Variants in AKR1D1 observed in about 807,000 individuals in gnomAD.
AKR1D1 encodes the protein aldo-keto reductase family 1 member D1.
Under a neutral mutation model 42.6 loss-of-function variants are expected in AKR1D1, and 32 were observed. The ratio of observed to expected loss-of-function variants is 0.75; its 90% CI spans 0.57 to 1.01. The LOEUF (loss-of-function observed/expected upper bound fraction) is 1.01, where lower values mean the gene tolerates loss of function less well. AKR1D1 is among the 50% of genes least tolerant of loss of function. The pLI, the probability that AKR1D1 is intolerant of heterozygous loss-of-function variation, is 0.00. For missense variants in AKR1D1, 364 were observed against 402.2 expected (o/e 0.91, Z 0.81); for synonymous variants, 123 against 135.5 (o/e 0.91, Z 0.64).
intron 7 of AKR1D1, among the ~76,000 whole-genome samples, chr7:138,109,274 C>A (rs1182308971): frequency 1.3e-5 from 2 of 152,130 alleles, no homozygotes; most frequent in African/African-American, 4.8e-5. Flanking sequence ...TATTGGCTTG[C>A]ATAACTGGAA....
At chr7:138,094,943 T>A (rs549839086) in intron 3 of AKR1D1, among the ~76,000 whole-genome samples, 1 of 152,316 alleles carries the variant, frequency 6.6e-6, no homozygotes, top group East Asian at 1.9e-4. Context: ...ATATTAAAAA[T>A]TATGACATGT....
rs745652944 is a variant in AKR1D1, at chr7:138,076,592, C to T, written c.74C>T (p.Thr25Ile). ...GNSIPIIGLGTYSEPKSTPKG... is the reference protein window; with the variant it reads ...GNSIPIIGLGIYSEPKSTPKG... Reference sequence around the variant, plus strand: ...AGCATTCCCATCATCGGACTTGGTACCTACTCAGAACCTAAATCGGTAAGC... The same window carrying T: ...AGCATTCCCATCATCGGACTTGGTATCTACTCAGAACCTAAATCGGTAAGC... Residue 25 changes from threonine to isoleucine, a missense_variant, in exon 1 of 9, where the codon ACC (threonine) becomes ATC (isoleucine). Coordinates refer to ENST00000242375, the MANE Select transcript of AKR1D1 (RefSeq NM_005989.4). The T allele has an allele frequency of 2.5e-6, 4 of 1,613,170 alleles. No homozygotes were observed. The East Asian group carries it at 8.9e-5, about 36-fold the overall frequency.
At chr7:138,092,639 A>T (rs1175763167) in intron 3 of AKR1D1, among the ~76,000 whole-genome samples, 4 of 152,238 alleles carry the variant, frequency 2.6e-5, no homozygotes, top group African/African-American at 9.6e-5. Context: ...TAGGCTAGAT[A>T]GCCCAGCCGA....
intron 1 of AKR1D1, among the ~76,000 whole-genome samples, chr7:138,078,148 G>A (rs192437039): frequency 6.6e-6 from 1 of 152,264 alleles, no homozygotes; most frequent in Non-Finnish European, 1.5e-5. Flanking sequence ...TTTTTGTAGA[G>A]AAGGGGTTTC....
At chr7:138,084,093 G>A (rs2117418412) in intron 1 of AKR1D1, among the ~76,000 whole-genome samples, 1 of 152,194 alleles carries the variant, frequency 6.6e-6, no homozygotes, top group South Asian at 2.1e-4. Context: ...CCAGGGACTG[G>A]AGGTGGCCAT....
At position 138,100,111 on chromosome 7, in the gene AKR1D1, A is replaced by AAC. The variant is rs1323060455; in HGVS notation, c.456+2169_456+2170insCA. On this transcript the variant is annotated intron_variant, in intron 4 of 8. Transcript: ENST00000242375. ...CTCAAAAAAAAAAAAAAAAAAAAAA[A>AAC]AAAAAAACATAAAGAGAAAATGTTA... is the stretch of plus-strand genomic sequence containing the variant. Among the ~76,000 whole-genome samples the AAC allele has an allele frequency of 3.6e-3, 458 of 127,654 alleles. 17 individuals carry two copies. Among genetic ancestry groups the AAC allele is most frequent in the African/African-American group, 0.013 (437 of 33,080 alleles). The allele number at this position is 127,654 out of a possible 152,430, so 83.7% of individuals were successfully genotyped here.
In AKR1D1 at chr7:138,117,868, A is replaced by T. The variant is rs545228082; in HGVS notation, c.*1206A>T. The T allele has an allele frequency of 6.6e-6, 1 of 152,256 alleles. No individual in the cohort carries two copies. Among genetic ancestry groups the T allele is most frequent in the East Asian group, 1.9e-4 (1 of 5,178 alleles). 9.4% of individuals were successfully genotyped at this position (152,256 alleles called of 1,614,324 possible). A position where few individuals can be genotyped will look rare whatever the true frequency, so the allele number is the denominator to read the frequency against. ...CCCCGTCTCTACTAAAAATACAAAA[A>T]ATTAGCCAGGCGCGGTGGCGGGGGC... is the stretch of plus-strand genomic sequence containing the variant. On this transcript the variant is annotated 3_prime_UTR_variant, in exon 9 of 9. Coordinates refer to ENST00000242375, the MANE Select transcript of AKR1D1 (RefSeq NM_005989.4).
intron 2 of AKR1D1, among the ~76,000 whole-genome samples, chr7:138,090,551 C>T (rs747200078): frequency 1.3e-5 from 2 of 151,068 alleles, no homozygotes; most frequent in South Asian, 4.2e-4. Context: ...GCAGCAGAAT[C>T]GCTTGAACCC....
intron 6 of AKR1D1, among the ~76,000 whole-genome samples, chr7:138,107,020 T>C (rs1562937795): frequency 6.6e-6 from 1 of 152,254 alleles, no homozygotes; most frequent in Non-Finnish European, 1.5e-5. Context: ...TTTTGATCTC[T>C]GTATTCAATA....
At chr7:138,093,071 C>CTTT (rs200473265) in intron 3 of AKR1D1, among the ~76,000 whole-genome samples, 24 of 140,916 alleles carry the variant, frequency 1.7e-4, no homozygotes, top group African/African-American at 5.5e-4. Context: ...ATACTAATTA[C>CTTT]TTTTTTTTTT....
chr7:138,113,315 CAA>C (rs34789634), intron 7 of AKR1D1, among the ~76,000 whole-genome samples: 21 of 115,698 alleles, frequency 1.8e-4, no homozygotes, highest in East Asian at 2.7e-4. Context: ...GACCCTGTCT[CAA>C]AAAAAAAAAA....
chr7:138,103,908 T>C (rs1258494562), intron 4 of AKR1D1, among the ~76,000 whole-genome samples: 1 of 152,018 alleles, frequency 6.6e-6, no homozygotes, highest in East Asian at 1.9e-4. Flanking sequence ...GGTAGGAGGA[T>C]CACTTGAGGC....
At chr7:138,079,436 A>C (rs1438788763) in intron 1 of AKR1D1, among the ~76,000 whole-genome samples, 2 of 152,122 alleles carry the variant, frequency 1.3e-5, no homozygotes, top group Admixed American at 1.3e-4. Flanking sequence ...TTATTTCTAC[A>C]AGAAAAAAGA....
intron 4 of AKR1D1, 189 bp downstream of exon 4, chr7:138,098,132 T>G: frequency 1.8e-6 from 1 of 549,928 alleles, no homozygotes; most frequent in East Asian, 2.9e-5. Flanking sequence ...TAATTCTTAC[T>G]TTTGTTTTGC....
intron 7 of AKR1D1, among the ~76,000 whole-genome samples, chr7:138,111,789 G>A (rs527925300): frequency 5.1e-4 from 77 of 152,256 alleles, no homozygotes; most frequent in African/African-American, 1.7e-3. Flanking sequence ...CAAAATGTAG[G>A]TTACAATTGC....
chr7:138,089,219 C>T (rs1055192191), intron 2 of AKR1D1, among the ~76,000 whole-genome samples: 39 of 151,902 alleles, frequency 2.6e-4, no homozygotes, highest in African/African-American at 9.4e-4. Context: ...GGCATGGTAA[C>T]TTGCACCTGT....
At position 138,116,780 on chromosome 7, in the gene AKR1D1, G is replaced by A; in HGVS notation, c.*118G>A. ...TTTTACCATCCTGAGAAGAAATAAT[G>A]ATGGAAACATGTTTAATGTTTGTGC... On this transcript the variant is annotated 3_prime_UTR_variant, in exon 9 of 9. Coordinates refer to ENST00000242375, the MANE Select transcript of AKR1D1 (RefSeq NM_005989.4). 1.1e-6 allele frequency: 1 copy of A among 907,940 alleles called. No individual in the cohort carries two copies. The highest frequency in any genetic ancestry group is 1.8e-6 in the Non-Finnish European group (1 of 570,974). 56.2% of individuals were successfully genotyped at this position (907,940 alleles called of 1,614,324 possible).
Position 138,107,466 on chromosome 7 carries a change from G to A in AKR1D1, c.741G>A (p.Leu247=), listed in dbSNP as rs754927913. The A allele has an allele frequency of 1.9e-6, 3 of 1,614,084 alleles. No homozygotes were observed. The East Asian group carries it at 6.7e-5, about 36-fold the overall frequency. Residue 247 remains leucine, a synonymous_variant, in exon 7 of 9, where the codon TTG becomes TTA. Transcript: ENST00000242375. ...PLLKDALLNS[L]GKRYNKTAAQ... The stretch of plus-strand genomic sequence containing the variant: ...TAAAGGATGCACTTCTAAACTCATT[G>A]GGGAAAAGGTACAATAAGACAGCAG...
chr7:138,080,930 T>C (rs1803042036), intron 1 of AKR1D1, among the ~76,000 whole-genome samples: 1 of 152,176 alleles, frequency 6.6e-6, no homozygotes, highest in African/African-American at 2.4e-5. Flanking sequence ...CCTAATTTTT[T>C]AGTAAACCTA....
Sources: gnomAD v4.1 joint callset for allele counts (sites outside exome capture counted in the v4.1 genomes callset) on GRCh38, gnomAD v4.1.1 for gene constraint, MANE v1.5 for transcripts, NCBI Gene and HGNC (gene_info 2026-07-23, HGNC 2026-07-21) for gene names.